The following AGMO variants were observed in gnomAD, a reference collection of about 807,000 sequenced individuals.
AGMO encodes the protein glyceryl-ether monooxygenase.
A neutral mutation model predicts 60.2 loss-of-function variants in AGMO; 75 were observed. The observed-to-expected ratio is 1.25, with a 90% CI of 1.03 to 1.51. AGMO has a LOEUF of 1.51. Among genes scored for constraint, AGMO ranks in the 40% most tolerant of loss-of-function variants. AGMO has a pLI of 0.00. For synonymous variants in AGMO, 261 were observed against 177.1 expected (o/e 1.47, Z -3.76); for missense variants, 763 against 525.5 (o/e 1.45, Z -4.42).
rs371824967 is a variant in AGMO, at chr7:15,386,069, T to C, written c.958-507A>G. Among the ~76,000 whole-genome samples the C allele has an allele frequency of 5.2e-3, 794 of 151,942 alleles. 5 individuals carry two copies. The highest frequency in any genetic ancestry group is 0.018 in the African/African-American group (752 of 41,420). Reference sequence around the variant, plus strand: ...GGTGGCACACACCTGTAATCCCAGCTACTCAGGAGGCTGAGGCAGAAGAAC... The same window carrying C: ...GGTGGCACACACCTGTAATCCCAGCCACTCAGGAGGCTGAGGCAGAAGAAC... On this transcript the variant is annotated intron_variant, in intron 9 of 12. Transcript: ENST00000342526.
At position 15,257,794 on chromosome 7, in the gene AGMO, A is replaced by G. The variant is rs370925181; in HGVS notation, c.1264-56435T>C. Among the ~76,000 whole-genome samples, 5 of 152,324 alleles carry G rather than the reference A, an allele frequency of 3.3e-5. No homozygotes were observed. The East Asian group carries it at 9.7e-4, about 29-fold the overall frequency. ...ATAGCTACTCTATCTAAATGAAATC[A>G]TATGTTTTCATACCACTTTTTAAAA... On this transcript the variant is annotated intron_variant, in intron 12 of 12. Transcript: ENST00000342526.
chr7:15,415,081 G>C (rs1780725707), intron 5 of AGMO, among the ~76,000 whole-genome samples: 1 of 152,044 alleles, frequency 6.6e-6, no homozygotes, highest in Non-Finnish European at 1.5e-5. Context: ...GATAGTCGAA[G>C]ATTTCTTAGA....
At chr7:15,198,196 C>T (rs549469724), downstream of AGMO, among the ~76,000 whole-genome samples, 90 of 77,390 alleles carry the variant, frequency 1.2e-3, no homozygotes, top group African/African-American at 3.5e-3. Context: ...AGGGCTTTCC[C>T]GAGAGAGAGA....
At chr7:15,381,529 T>C (rs1471895697) in intron 10 of AGMO, among the ~76,000 whole-genome samples, 1 of 152,090 alleles carries the variant, frequency 6.6e-6, no homozygotes, top group Non-Finnish European at 1.5e-5. Context: ...AAAAATAACA[T>C]GCTGGTGAGC....
At chr7:15,382,078 C>T (rs966689296) in intron 10 of AGMO, among the ~76,000 whole-genome samples, 2 of 151,964 alleles carry the variant, frequency 1.3e-5, no homozygotes, top group Admixed American at 6.6e-5. Context: ...AGGCTTAATA[C>T]CTAGATGATA....
At position 15,547,724 on chromosome 7, in the gene AGMO, C is replaced by A. The variant is rs562392057; in HGVS notation, c.258-2801G>T. On this transcript the variant is annotated intron_variant, in intron 2 of 12. Coordinates refer to ENST00000342526, the MANE Select transcript of AGMO (RefSeq NM_001004320.2). ...AGTCTGAGATCAAACTGCAAGGCGG[C>A]AGCGAGGCTGGGGGAGGGGCGCCCG... Among the ~76,000 whole-genome samples the A allele has an allele frequency of 1.8e-4, 28 of 152,086 alleles. No individual in the cohort carries two copies. The East Asian group carries it at 4.6e-3, about 25-fold the overall frequency.
chr7:15,173,646 T>A, the AGMO span, among the ~76,000 whole-genome samples: 2 of 152,198 alleles, frequency 1.3e-5, no homozygotes, highest in South Asian at 4.1e-4. Context: ...TGTAATGTTA[T>A]ACATTATAGA....
At chr7:15,178,784 AC>A in the AGMO span, among the ~76,000 whole-genome samples, 1 of 152,130 alleles carries the variant, frequency 6.6e-6, no homozygotes, top group East Asian at 1.9e-4. Context: ...ATCACAGAAT[AC>A]TACAGTCTGG....
At chr7:15,169,272 T>A in the AGMO span, among the ~76,000 whole-genome samples, 1 of 152,184 alleles carries the variant, frequency 6.6e-6, no homozygotes, top group Non-Finnish European at 1.5e-5. Flanking sequence ...TCTGCCGTCG[T>A]GCAATATGAA....
chr7:15,120,772 CT>C, the AGMO span, among the ~76,000 whole-genome samples: 7 of 151,500 alleles, frequency 4.6e-5, no homozygotes, highest in Non-Finnish European at 8.8e-5. Context: ...TCTTTTTTTT[CT>C]TTTTTTGAAG....
At chr7:15,153,185 T>A in the AGMO span, among the ~76,000 whole-genome samples, 2 of 5,050 alleles carry the variant, frequency 4.0e-4, no homozygotes, top group African/African-American at 8.0e-4. Context: ...GATAGGATTG[T>A]TTTTTTTTTT....
intron 12 of AGMO, among the ~76,000 whole-genome samples, chr7:15,322,613 AATAT>A (rs1424645313): frequency 1.4e-4 from 4 of 29,428 alleles, no homozygotes; most frequent in Non-Finnish European, 1.7e-4. Context: ...AATATATATA[AATAT>A]ATAAATATAT....
intron 4 of AGMO, among the ~76,000 whole-genome samples, chr7:15,420,211 A>C (rs1376214127): frequency 2.0e-5 from 3 of 152,232 alleles, no homozygotes; most frequent in Non-Finnish European, 4.4e-5. Flanking sequence ...TTAAAAGATC[A>C]GATAAGTCGT....
At chr7:15,289,237 T>G (rs1784187472) in intron 12 of AGMO, among the ~76,000 whole-genome samples, 1 of 151,810 alleles carries the variant, frequency 6.6e-6, no homozygotes, top group South Asian at 2.1e-4. Context: ...ACGTTATTTT[T>G]AAGTTTTCAG....
At chr7:15,135,061 T>C in the AGMO span, among the ~76,000 whole-genome samples, 1 of 151,268 alleles carries the variant, frequency 6.6e-6, no homozygotes, top group South Asian at 2.1e-4. Context: ...AAATTTTAAA[T>C]TAGATATATA....
At chr7:15,533,671 C>G (rs969312174) in intron 3 of AGMO, among the ~76,000 whole-genome samples, 4 of 152,046 alleles carry the variant, frequency 2.6e-5, no homozygotes, top group African/African-American at 9.7e-5. Flanking sequence ...ACTTATTTTT[C>G]CACTATATTC....
chr7:15,521,291 C>T (rs544151191), intron 3 of AGMO, among the ~76,000 whole-genome samples: 102 of 152,274 alleles, frequency 6.7e-4, no homozygotes, highest in Non-Finnish European at 1.2e-3. Context: ...GGTACCATTC[C>T]TTCTAAAACT....
chr7:15,493,459 C>T (rs955222246), intron 3 of AGMO, among the ~76,000 whole-genome samples: 2 of 148,572 alleles, frequency 1.3e-5, no homozygotes, highest in African/African-American at 2.5e-5. Context: ...CTGCAAGCTC[C>T]GCCTCCCGGG....
chr7:15,331,113 C>T (rs1326285209), intron 12 of AGMO, among the ~76,000 whole-genome samples: 1 of 152,110 alleles, frequency 6.6e-6, no homozygotes, highest in East Asian at 1.9e-4. Context: ...TAAAGGAGGC[C>T]ACTCCATTAA....
Sources: allele counts gnomAD v4.1 joint callset (sites outside exome capture counted in the v4.1 genomes callset), GRCh38; gene constraint gnomAD v4.1.1; transcripts MANE v1.5; gene names NCBI Gene and HGNC (gene_info 2026-07-23, HGNC 2026-07-21).